The following FAT4 variants were observed in gnomAD, a reference collection of about 807,000 sequenced individuals.
FAT4 encodes FAT atypical cadherin 4.
In FAT4, 84 loss-of-function variants were observed where a neutral mutation model predicts 303.9. The observed-to-expected ratio is 0.28, with a 90% CI of 0.23 to 0.33. The LOEUF (loss-of-function observed/expected upper bound fraction) is 0.33. FAT4 is among the 10% of genes least tolerant of loss of function. FAT4 has a pLI of 1.00. For missense variants in FAT4, 6,005 were observed against 6,146.8 expected (o/e 0.98, Z 0.77); for synonymous variants, 2,307 against 2,298.8 (o/e 1.00, Z -0.10).
chr4:125,478,503 C>G (rs1225084517), intron 14 of FAT4, among the ~76,000 whole-genome samples: 1 of 151,840 alleles, frequency 6.6e-6, no homozygotes, highest in African/African-American at 2.4e-5. Flanking sequence ...TTCTGTTAGA[C>G]CTTATGTCCA....
chr4:125,412,804 T>G (rs1047936341), intron 5 of FAT4, among the ~76,000 whole-genome samples: 2 of 151,932 alleles, frequency 1.3e-5, no homozygotes, highest in Non-Finnish European at 2.9e-5. Context: ...TGAAAGATTT[T>G]ATATGCTTCT....
intron 2 of FAT4, among the ~76,000 whole-genome samples, chr4:125,353,612 C>T (rs936958192): frequency 2.0e-5 from 3 of 151,380 alleles, no homozygotes; most frequent in South Asian, 2.1e-4. Flanking sequence ...GCAGAGCTCA[C>T]GGTTACATTG....
intron 2 of FAT4, among the ~76,000 whole-genome samples, chr4:125,341,509 T>C (rs1212970016): frequency 6.6e-6 from 1 of 152,076 alleles, no homozygotes; most frequent in East Asian, 1.9e-4. Flanking sequence ...GTAATAAAAA[T>C]GATTAATGAA....
In FAT4 at chr4:125,446,401, A is replaced by T; in HGVS notation, c.7308A>T (p.Val2436=). Residue 2436 remains valine (V), a synonymous_variant, in exon 9 of 18, where the codon GTA becomes GTT. Coordinates refer to ENST00000394329, the MANE Select transcript of FAT4 (RefSeq NM_001291303.3). ...AAACAAAAGATAATTATACTTTGGTAGTGGTCTGCAGTGATGCGGGATCCC... is the reference window on the plus strand; with the variant it reads ...AAACAAAAGATAATTATACTTTGGTTGTGGTCTGCAGTGATGCGGGATCCC... ...DRETKDNYTL[V]VVCSDAGSPE... is the part of the protein sequence containing the mutation. 6.2e-7 allele frequency: 1 copy of T among 1,613,576 alleles called. No homozygotes were observed. The highest frequency in any genetic ancestry group is 8.5e-7 in the Non-Finnish European group (1 of 1,179,586).
rs189677848 is a variant in FAT4, at chr4:125,416,451, G to T, written c.6847G>T (p.Val2283Leu). Residue 2283 changes from valine (V) to leucine (L), a missense_variant, in exon 7 of 18, where the codon GTG becomes TTG. Physicochemically the swap from Val to Leu is conservative, Grantham distance 32. Coordinates refer to ENST00000394329, the MANE Select transcript of FAT4 (RefSeq NM_001291303.3). ...CTTGGTATGTACTGTTCTACAGGTGGTGGCAAGAGATGATGATCGAGGATC... is the reference window on the plus strand; with the variant it reads ...CTTGGTATGTACTGTTCTACAGGTGTTGGCAAGAGATGATGATCGAGGATC... ...GTLPRTILQV[V>L]ARDDDRGSNS... 10 of 1,613,058 alleles carry T rather than the reference G, an allele frequency of 6.2e-6. No homozygotes were observed. The highest frequency in any genetic ancestry group is 8.5e-6 in the Non-Finnish European group (10 of 1,179,410).
At chr4:125,390,139 G>T (rs968216060) in intron 2 of FAT4, among the ~76,000 whole-genome samples, 2 of 152,066 alleles carry the variant, frequency 1.3e-5, no homozygotes, top group Non-Finnish European at 2.9e-5. Flanking sequence ...GTTAAGAAAT[G>T]GAAATATTTA....
At chr4:125,439,775 A>G (rs1390462882) in intron 8 of FAT4, among the ~76,000 whole-genome samples, 1 of 152,190 alleles carries the variant, frequency 6.6e-6, no homozygotes, top group Non-Finnish European at 1.5e-5. Flanking sequence ...ATCTATATAA[A>G]TGCTCATTTA....
chr4:125,370,620 G>A (rs537701025), intron 2 of FAT4, among the ~76,000 whole-genome samples: 170 of 152,270 alleles, frequency 1.1e-3, no homozygotes, highest in African/African-American at 2.3e-3. Context: ...TCTAAATCAC[G>A]TATACAGACA....
At chr4:125,407,551 A>C (rs1734666247) in intron 4 of FAT4, among the ~76,000 whole-genome samples, 1 of 152,160 alleles carries the variant, frequency 6.6e-6, no homozygotes, top group East Asian at 1.9e-4. Flanking sequence ...CGGCAAGTTA[A>C]TTCATTTCTC....
intron 2 of FAT4, among the ~76,000 whole-genome samples, chr4:125,342,817 T>G (rs1196876118): frequency 6.6e-6 from 1 of 152,004 alleles, no homozygotes; most frequent in African/African-American, 2.4e-5. Context: ...TGTAAAATTT[T>G]GGTTCATTCT....
chr4:125,316,640 A>G lies in FAT4; in HGVS notation c.229A>G (p.Ser77Gly), dbSNP rs774937070. 2 of 1,613,864 alleles carry G rather than the reference A, an allele frequency of 1.2e-6. No individual in the cohort carries two copies. Among genetic ancestry groups the G allele is most frequent in the South Asian group, 2.2e-5 (2 of 91,084 alleles). ...RPGFTYRLSE[S>G]HALFAINSST... The stretch of plus-strand genomic sequence containing the variant: ...CGGCTTCACCTACAGGCTCAGCGAA[A>G]GCCACGCCCTGTTTGCCATAAACAG... The change falls in exon 2 of 18, where the codon AGC (serine) becomes GGC (glycine). Residue 77 changes from serine to glycine, a missense_variant. Physicochemically the swap from Ser to Gly is moderately conservative, Grantham distance 56. Transcript: ENST00000394329. The surrounding 1 kb of genome is among the most constrained non-coding windows in gnomAD (Gnocchi z 5.7).
rs1169243486 is a variant in FAT4 at position 125,478,273 on chromosome 4, C to CTAGTTCGTTATTAT, written c.12479+942_12479+955dup. Among the ~76,000 whole-genome samples the CTAGTTCGTTATTAT allele has an allele frequency of 7.2e-5, 11 of 152,248 alleles. No individual in the cohort carries two copies. The East Asian group carries it at 9.7e-4, about 13-fold the overall frequency. ...GTTACTGTTTTGTTACAAAGTCACACTAGTTCGTTATTATTATTAATCAAA... is the reference window on the plus strand; with the variant it reads ...GTTACTGTTTTGTTACAAAGTCACACTAGTTCGTTATTATTAGTTCGTTATTATTATTAATCAAA... On this transcript the variant is annotated intron_variant, in intron 14 of 17. Transcript: ENST00000394329.
intron 7 of FAT4, among the ~76,000 whole-genome samples, chr4:125,424,740 A>G (rs545522013): frequency 6.6e-6 from 1 of 152,224 alleles, no homozygotes; most frequent in Non-Finnish European, 1.5e-5. Flanking sequence ...ACAGTAAAAA[A>G]TAAACAATAT....
intron 11 of FAT4, 107 bp from the exon 12 acceptor site, chr4:125,468,405 A>G: frequency 1.3e-6 from 1 of 796,000 alleles, no homozygotes; most frequent in Non-Finnish European, 1.8e-6. Context: ...AAGTAAAAAA[A>G]GTTGTTAAAA....
intron 7 of FAT4, among the ~76,000 whole-genome samples, chr4:125,426,390 G>A (rs1454052379): frequency 6.6e-6 from 1 of 151,916 alleles, no homozygotes; most frequent in Non-Finnish European, 1.5e-5. Context: ...AAATGCATTT[G>A]ACTTAATTTT....
intron 7 of FAT4, among the ~76,000 whole-genome samples, chr4:125,422,906 G>A (rs559275358): frequency 6.6e-6 from 1 of 152,282 alleles, no homozygotes; most frequent in East Asian, 1.9e-4. Flanking sequence ...TCCAGGCTGA[G>A]GTGGTCACAG....
chr4:125,431,793 TTC>T (rs1223815375), intron 7 of FAT4, among the ~76,000 whole-genome samples: 1 of 152,088 alleles, frequency 6.6e-6, no homozygotes, highest in African/African-American at 2.4e-5. Context: ...CTCTTTCAGT[TTC>T]TCTCTCTCTT....
chr4:125,335,856 A>G (rs1302264526), intron 2 of FAT4, among the ~76,000 whole-genome samples: 1 of 152,074 alleles, frequency 6.6e-6, no homozygotes, highest in Non-Finnish European at 1.5e-5. Flanking sequence ...TTATCTGTTA[A>G]AAAAAGAGAA....
rs1440397362 is a variant in FAT4 at position 125,449,491 on chromosome 4, G to A, written c.8481G>A (p.Gly2827=). ...CATTTACAATTAATCCCAGCACAGGGGATATTGTCATAAGCAGACCTTTAA... is the reference window on the plus strand; with the variant it reads ...CATTTACAATTAATCCCAGCACAGGAGATATTGTCATAAGCAGACCTTTAA... ...SLPFTINPST[G]DIVISRPLNR... The change falls in exon 10 of 18, where the codon GGG becomes GGA. Residue 2827 remains glycine, a synonymous_variant. Transcript: ENST00000394329. The A allele has an allele frequency of 6.2e-7, 1 of 1,613,628 alleles. No individual in the cohort carries two copies. The highest frequency in any genetic ancestry group is 8.5e-7 in the Non-Finnish European group (1 of 1,179,878).
Sources: allele counts gnomAD v4.1 joint callset (sites outside exome capture counted in the v4.1 genomes callset), GRCh38; gene constraint gnomAD v4.1.1; non-coding constraint Gnocchi (gnomAD v3.1); transcripts MANE v1.5; gene names NCBI Gene and HGNC (gene_info 2026-07-23, HGNC 2026-07-21).